Variants in SCHIP1 observed in about 807,000 individuals in gnomAD.
SCHIP1 encodes the protein schwannomin interacting protein 1, also known as schwannomin-interacting protein 1.
A neutral mutation model predicts 29.7 loss-of-function variants in SCHIP1; 8 were observed. The ratio of observed to expected loss-of-function variants is 0.27; its 90% CI spans 0.16 to 0.49. The LOEUF (loss-of-function observed/expected upper bound fraction) is 0.49. Ranked by LOEUF, SCHIP1 falls within the 20% of genes least tolerant of loss-of-function variation. The pLI is 0.99. For missense variants in SCHIP1, 193 were observed against 294.6 expected, an observed-to-expected ratio of 0.66 and a Z score of 2.52; for synonymous variants, 76 against 94.9, an observed-to-expected ratio of 0.80 and a Z score of 1.16.
chr3:159,533,208 T>C, the SCHIP1 span, among the ~76,000 whole-genome samples: 4 of 151,846 alleles, frequency 2.6e-5, no homozygotes, highest in Non-Finnish European at 5.9e-5. Context: ...GAAGTCTGAG[T>C]TGAGACTTGG....
At chr3:159,535,445 C>T in the SCHIP1 span, among the ~76,000 whole-genome samples, 2 of 152,206 alleles carry the variant, frequency 1.3e-5, no homozygotes, top group Non-Finnish European at 2.9e-5. Context: ...GAGCATCAGC[C>T]TTGAGGGCTG....
At chr3:159,637,493 C>A in the SCHIP1 span, among the ~76,000 whole-genome samples, 1 of 151,740 alleles carries the variant, frequency 6.6e-6, no homozygotes, top group South Asian at 2.1e-4. Context: ...AACCCCTGAG[C>A]TTGCTAAGAA....
the SCHIP1 span, among the ~76,000 whole-genome samples, chr3:159,405,519 A>C: frequency 3.3e-5 from 5 of 152,354 alleles, no homozygotes; most frequent in Admixed American, 2.6e-4. Flanking sequence ...AGAACACATC[A>C]GTCTCTTAAT....
At chr3:159,712,185 C>G in the SCHIP1 span, among the ~76,000 whole-genome samples, 1 of 152,128 alleles carries the variant, frequency 6.6e-6, no homozygotes, top group African/African-American at 2.4e-5. Flanking sequence ...GAATGCATCT[C>G]GTTGGTCAAA....
chr3:159,563,219 T>C, the SCHIP1 span, among the ~76,000 whole-genome samples: 1 of 152,204 alleles, frequency 6.6e-6, no homozygotes, highest in Non-Finnish European at 1.5e-5. Context: ...AATACTTACA[T>C]TTCTTTAATA....
chr3:159,348,515 A>G, the SCHIP1 span, among the ~76,000 whole-genome samples: 49 of 152,230 alleles, frequency 3.2e-4, no homozygotes, highest in African/African-American at 1.1e-3. Context: ...TTTACTTTGC[A>G]TTGGCATGAT....
the SCHIP1 span, chr3:159,721,505 T>G: frequency 6.5e-6 from 1 of 154,462 alleles, no homozygotes; most frequent in African/African-American, 2.4e-5. Flanking sequence ...GTATTTACAT[T>G]CCATTCTACA....
the SCHIP1 span, among the ~76,000 whole-genome samples, chr3:159,534,989 A>G: frequency 6.6e-6 from 1 of 152,112 alleles, no homozygotes; most frequent in Non-Finnish European, 1.5e-5. Context: ...ACATCCTTTC[A>G]GATACAAGCA....
At chr3:159,879,269 T>C (rs1418809065) in intron 2 of SCHIP1, among the ~76,000 whole-genome samples, 2 of 152,050 alleles carry the variant, frequency 1.3e-5, no homozygotes, top group Non-Finnish European at 2.9e-5. Flanking sequence ...TTGCTTTCTT[T>C]CTTTTTTTTT....
chr3:159,367,085 G>A, the SCHIP1 span, among the ~76,000 whole-genome samples: 1 of 152,078 alleles, frequency 6.6e-6, no homozygotes, highest in East Asian at 1.9e-4. Flanking sequence ...CCCACAGGCT[G>A]GCATTTGAAA....
chr3:159,489,835 GTGGTGAAACAA>G, the SCHIP1 span, among the ~76,000 whole-genome samples: 6 of 152,042 alleles, frequency 3.9e-5, no homozygotes, highest in Non-Finnish European at 8.8e-5. Flanking sequence ...AAACAAGGTG[GTGGTGAAACAA>G]TGCATATGGT....
the SCHIP1 span, among the ~76,000 whole-genome samples, chr3:159,611,099 A>G: frequency 1.3e-5 from 2 of 152,194 alleles, no homozygotes; most frequent in Non-Finnish European, 1.5e-5. Context: ...ACTCTGTGGT[A>G]TAAAGCCAAT....
the SCHIP1 span, among the ~76,000 whole-genome samples, chr3:159,338,378 G>GATGTACA: frequency 6.6e-6 from 1 of 152,104 alleles, no homozygotes; most frequent in African/African-American, 2.4e-5. Flanking sequence ...AAGTGTACAG[G>GATGTACA]CTTTGATGTA....
chr3:159,470,295 CAT>C, the SCHIP1 span, among the ~76,000 whole-genome samples: 12 of 151,838 alleles, frequency 7.9e-5, no homozygotes, highest in Non-Finnish European at 1.5e-4. Flanking sequence ...AGACATGAAA[CAT>C]AAATAGTTTT....
the SCHIP1 span, among the ~76,000 whole-genome samples, chr3:159,513,633 A>C: frequency 6.6e-6 from 1 of 152,252 alleles, no homozygotes; most frequent in South Asian, 2.1e-4. Context: ...TCAGGGAAAA[A>C]ATCGGTGCCA....
chr3:159,764,114 A>T, the SCHIP1 span: 1 of 269,394 alleles, frequency 3.7e-6, no homozygotes, highest in African/African-American at 2.2e-5. The surrounding 1 kb of genome is among the most constrained non-coding windows in gnomAD (Gnocchi z 6.1). Context: ...GGGCGGGGTA[A>T]AGGGGCGCGC....
At chr3:159,336,713 T>C in the SCHIP1 span, among the ~76,000 whole-genome samples, 8 of 152,350 alleles carry the variant, frequency 5.3e-5, no homozygotes, top group East Asian at 7.7e-4. Context: ...ATCTCTGTTT[T>C]GGTACAGTAC....
At chr3:159,350,593 A>T in the SCHIP1 span, among the ~76,000 whole-genome samples, 1 of 152,094 alleles carries the variant, frequency 6.6e-6, no homozygotes. Context: ...TTATTTTTGA[A>T]AAGGGATGGT....
At chr3:159,636,712 G>C in the SCHIP1 span, among the ~76,000 whole-genome samples, 1 of 152,160 alleles carries the variant, frequency 6.6e-6, no homozygotes, top group Non-Finnish European at 1.5e-5. Context: ...AGGGAAATTG[G>C]CATGAAATAA....
Sources: allele counts gnomAD v4.1 joint callset (sites outside exome capture counted in the v4.1 genomes callset), GRCh38; gene constraint gnomAD v4.1.1; non-coding constraint Gnocchi (gnomAD v3.1); transcripts MANE v1.5; gene names NCBI Gene and HGNC (gene_info 2026-07-23, HGNC 2026-07-21).